The following PTRHD1 variants were observed in gnomAD, a reference collection of about 807,000 sequenced individuals.
PTRHD1 encodes putative peptidyl-tRNA hydrolase PTRHD1.
A neutral mutation model predicts 13.6 loss-of-function variants in PTRHD1; 12 were observed. That is an observed-to-expected ratio of 0.88 (90% CI 0.57 to 1.43). PTRHD1 has a LOEUF of 1.43. Among genes scored for constraint, PTRHD1 ranks in the 40% most tolerant of loss-of-function variants. PTRHD1 has a pLI of 0.00. For missense variants in PTRHD1, 203 were observed against 184.7 expected (o/e 1.10, Z -0.57); for synonymous variants, 86 against 79.5 (o/e 1.08, Z -0.43).
At chr2:24,792,389 A>G (rs981453877) in intron 1 of PTRHD1, 7 of 152,252 alleles carry the variant, frequency 4.6e-5, no homozygotes, top group Non-Finnish European at 8.8e-5. Flanking sequence ...CTCACCATGC[A>G]CTACTTAATA....
At position 24,792,974 on chromosome 2, in the gene PTRHD1, C is replaced by G; in HGVS notation, c.252+152G>C. ...CACACAGTCAGGCCCTTCCCAAGGG[C>G]GCACCTCCAGGGAAACAGCTCCAGT... On this transcript the variant is annotated intron_variant, in intron 1 of 1. Transcript: ENST00000328379. The G allele has an allele frequency of 3.3e-6, 3 of 915,954 alleles. 1 individual carries two copies. Among genetic ancestry groups the G allele is most frequent in the Non-Finnish European group, 1.6e-6 (1 of 618,032 alleles). 56.7% of individuals were successfully genotyped at this position (915,954 alleles called of 1,614,324 possible). A position where few individuals can be genotyped will look rare whatever the true frequency, so the allele number is the denominator to read the frequency against.
chr2:24,792,112 TAC>T (rs1665642023), intron 1 of PTRHD1, among the ~76,000 whole-genome samples: 1 of 152,256 alleles, frequency 6.6e-6, no homozygotes, highest in Non-Finnish European at 1.5e-5. Flanking sequence ...CTGTTCTGCC[TAC>T]ACAGATTCTC....
chr2:24,790,872 G>A (rs1292035071), intron 1 of PTRHD1, among the ~76,000 whole-genome samples: 1 of 151,960 alleles, frequency 6.6e-6, no homozygotes, highest in Non-Finnish European at 1.5e-5. Context: ...TCCTATGGCT[G>A]GCGCCCATAA....
intron 1 of PTRHD1, 38 bp downstream of exon 1, chr2:24,793,088 G>C (rs755957492): frequency 1.3e-6 from 2 of 1,593,282 alleles, no homozygotes; most frequent in South Asian, 2.2e-5. Context: ...TTCCGCCCTC[G>C]ATGTCTCAGC....
chr2:24,790,512 A>G lies in PTRHD1; in HGVS notation c.322T>C (p.Trp108Arg), dbSNP rs1366001947. ...GCGATATTCTCTGGTTGCTCAAGCC[A>G]CAGCATGTGGTCAATGTTCTTCTGT... ...LQQKNIDHML[W>R]LEQPENIATC... The change falls in exon 2 of 2, where the codon TGG becomes CGG. Residue 108 changes from tryptophan to arginine, a missense_variant. Transcript: ENST00000328379. 4 of 1,614,194 alleles carry G rather than the reference A, an allele frequency of 2.5e-6. No homozygotes were observed. Among genetic ancestry groups the G allele is most frequent in the Non-Finnish European group, 3.4e-6 (4 of 1,180,040 alleles).
chr2:24,790,627 A>G, intron 1 of PTRHD1, 46 bp from the exon 2 acceptor site: 1 of 1,561,836 alleles, frequency 6.4e-7, no homozygotes, highest in Non-Finnish European at 8.7e-7. Context: ...CCCACTTAGG[A>G]AGTGTCAAAA....
chr2:24,793,259 A>T lies in PTRHD1; in HGVS notation c.119T>A (p.Phe40Tyr), dbSNP rs1572714793. 1 of 1,613,918 alleles carries T rather than the reference A, an allele frequency of 6.2e-7. No homozygotes were observed. The highest frequency in any genetic ancestry group is 8.5e-7 in the Non-Finnish European group (1 of 1,180,024). The change falls in exon 1 of 2, where the codon TTC becomes TAC. Residue 40 changes from phenylalanine (F) to tyrosine (Y), a missense_variant. Physicochemically the swap from Phe to Tyr is conservative, Grantham distance 22. Transcript: ENST00000328379. ...VLRKDLSQAP[F>Y]SWPAGALVAQ... ...TACCAGTGCGCCCGCCGGCCAGGAG[A>T]ACGGAGCTTGTGATAGATCCTTTCG...
chr2:24,790,908 C>T (rs981037862), intron 1 of PTRHD1, among the ~76,000 whole-genome samples: 8 of 151,658 alleles, frequency 5.3e-5, no homozygotes, highest in African/African-American at 1.7e-4. Context: ...ACTTTAAGAG[C>T]TGCCTAGTGG....
intron 1 of PTRHD1, among the ~76,000 whole-genome samples, chr2:24,792,058 G>A (rs959461306): frequency 1.3e-5 from 2 of 152,190 alleles, no homozygotes; most frequent in Non-Finnish European, 2.9e-5. Flanking sequence ...GATTTCTTGA[G>A]ACCTCTTACT....
chr2:24,793,387 A>G lies in PTRHD1; in HGVS notation c.-10T>C, dbSNP rs769614420. The G allele has an allele frequency of 6.2e-7, 1 of 1,611,228 alleles. No homozygotes were observed. The highest frequency in any genetic ancestry group is 2.2e-5 in the East Asian group (1 of 44,814). Reference sequence around the variant, plus strand: ...CTACTCCCCGGTGCATCTTGGGATCAGGGCGGGGCCCTGAGCGCCGCCATG... The same window carrying G: ...CTACTCCCCGGTGCATCTTGGGATCGGGGCGGGGCCCTGAGCGCCGCCATG... On this transcript the variant is annotated 5_prime_UTR_variant, in exon 1 of 2. Coordinates refer to ENST00000328379, the MANE Select transcript of PTRHD1 (RefSeq NM_001013663.2).
chr2:24,792,257 A>T (rs1359428120), intron 1 of PTRHD1: 1 of 152,228 alleles, frequency 6.6e-6, no homozygotes, highest in Non-Finnish European at 1.5e-5. Flanking sequence ...TCTGGCTTAA[A>T]GCCGTTTTTC....
Position 24,793,313 on chromosome 2 carries a change from G to A in PTRHD1, c.65C>T (p.Pro22Leu). Residue 22 changes from proline to leucine, a missense_variant, in exon 1 of 2, where the codon CCG becomes CTG. Transcript: ENST00000328379. ...CACCAAGTATTGTACCAGGACCTGC[G>A]GCTCCGCCCCAGAGGCCGCCATCTT... ...VRKMAASGAE[P>L]QVLVQYLVLR... The A allele has an allele frequency of 1.2e-6, 2 of 1,613,874 alleles. No individual in the cohort carries two copies. Among genetic ancestry groups the A allele is most frequent in the Non-Finnish European group, 1.7e-6 (2 of 1,180,036 alleles).
At chr2:24,793,036 C>T in intron 1 of PTRHD1, 90 bp downstream of exon 1, 2 of 1,443,062 alleles carry the variant, frequency 1.4e-6, no homozygotes, top group Non-Finnish European at 9.3e-7. Flanking sequence ...CCGCCGCACC[C>T]ACTCCCCGCA....
chr2:24,790,474 A>G lies in PTRHD1; in HGVS notation c.360T>C (p.Ala120=). 1 of 1,614,174 alleles carries G rather than the reference A, an allele frequency of 6.2e-7. No individual in the cohort carries two copies. Among genetic ancestry groups the G allele is most frequent in the Non-Finnish European group, 8.5e-7 (1 of 1,180,018 alleles). Residue 120 remains alanine (A), a synonymous_variant, in exon 2 of 2, where the codon GCT becomes GCC. Transcript: ENST00000328379. ...EQPENIATCI[A]LRPYPKEEVG... ...CTTCTTCCTTGGGGTAGGGCCGGAG[A>G]GCAATACAAGTGGCGATATTCTCTG...
At position 24,790,211 on chromosome 2, in the gene PTRHD1, C is replaced by T. The variant is rs1572712426; in HGVS notation, c.*200G>A. The T allele has an allele frequency of 1.4e-5, 8 of 568,316 alleles. No homozygotes were observed. The East Asian group carries it at 2.5e-4, about 18-fold the overall frequency. 35.2% of individuals were successfully genotyped at this position (568,316 alleles called of 1,614,324 possible). ...AATCTTCTATTTGAGCAATGATCCC[C>T]AGACAATACTGCTCTCCCACCTTCC... On this transcript the variant is annotated 3_prime_UTR_variant, in exon 2 of 2. Coordinates refer to ENST00000328379, the MANE Select transcript of PTRHD1 (RefSeq NM_001013663.2).
chr2:24,790,205 G>T lies in PTRHD1; in HGVS notation c.*206C>A, dbSNP rs1269675561. On this transcript the variant is annotated 3_prime_UTR_variant, in exon 2 of 2. Coordinates refer to ENST00000328379, the MANE Select transcript of PTRHD1 (RefSeq NM_001013663.2). ...TAACCAAATCTTCTATTTGAGCAATGATCCCCAGACAATACTGCTCTCCCA... is the reference window on the plus strand; with the variant it reads ...TAACCAAATCTTCTATTTGAGCAATTATCCCCAGACAATACTGCTCTCCCA... 4 of 525,192 alleles carry T rather than the reference G, an allele frequency of 7.6e-6. No homozygotes were observed. The highest frequency in any genetic ancestry group is 3.0e-5 in the South Asian group (1 of 33,206). The allele number at this position is 525,192 out of a possible 1,614,324, so 32.5% of individuals were successfully genotyped here.
chr2:24,790,745 A>T (rs910412028), intron 1 of PTRHD1, among the ~76,000 whole-genome samples, 164 bp from the exon 2 acceptor site: 2 of 152,130 alleles, frequency 1.3e-5, no homozygotes, highest in African/African-American at 4.8e-5. Context: ...TGGGGAGGGG[A>T]GAGAGGCTTC....
chr2:24,793,002 A>G, intron 1 of PTRHD1, 124 bp downstream of exon 1: 1 of 1,179,114 alleles, frequency 8.5e-7, no homozygotes, highest in Non-Finnish European at 1.2e-6. Flanking sequence ...GCTCCAGTCT[A>G]AATGTTAACG....
In PTRHD1 at chr2:24,790,417, G is replaced by A. The variant is rs1484442197; in HGVS notation, c.417C>T (p.Phe139=). 1 of 1,613,812 alleles carries A rather than the reference G, an allele frequency of 6.2e-7. No homozygotes were observed. Among genetic ancestry groups the A allele is most frequent in the African/African-American group, 1.3e-5 (1 of 75,050 alleles). Residue 139 remains phenylalanine, a synonymous_variant, in exon 2 of 2, where the codon TTC becomes TTT. Coordinates refer to ENST00000328379, the MANE Select transcript of PTRHD1 (RefSeq NM_001013663.2). ...AAACACATCAAAGCAGCAGTTACTT[G>A]AACAATCGGAACTTCTTCAAATACT... is the stretch of plus-strand genomic sequence containing the variant. The part of the protein sequence containing the change: ...VGQYLKKFRL[F]K
Sources: gnomAD v4.1 joint callset for allele counts (sites outside exome capture counted in the v4.1 genomes callset) on GRCh38, gnomAD v4.1.1 for gene constraint, MANE v1.5 for transcripts, NCBI Gene and HGNC (gene_info 2026-07-23, HGNC 2026-07-21) for gene names.